CDK14: variants seen among roughly 807,000 people sequenced by gnomAD.
CDK14 encodes the protein cyclin dependent kinase 14, also known as cyclin-dependent kinase 14.
Under a neutral mutation model 60.7 loss-of-function variants are expected in CDK14, and 34 were observed. That is an observed-to-expected ratio of 0.56 (90% CI 0.43 to 0.75). The LOEUF is 0.75. Ranked by LOEUF, CDK14 falls within the 30% of genes least tolerant of loss-of-function variation. CDK14 has a pLI of 0.00. For missense variants in CDK14, 482 were observed against 564.1 expected (o/e 0.85, Z 1.47); for synonymous variants, 197 against 203.7 (o/e 0.97, Z 0.28).
At chr7:90,938,656 AG>A (rs1383860982) in intron 8 of CDK14, among the ~76,000 whole-genome samples, 1 of 152,220 alleles carries the variant, frequency 6.6e-6, no homozygotes, top group East Asian at 1.9e-4. Flanking sequence ...AACTATTTTT[AG>A]AAAAAGTGTT....
chr7:91,104,678 A>G (rs756861), intron 12 of CDK14, among the ~76,000 whole-genome samples: 263 of 152,326 alleles, frequency 1.7e-3, no homozygotes, highest in African/African-American at 6.0e-3. Context: ...AGAATGTTGT[A>G]TAAATGGAAT....
intron 4 of CDK14, among the ~76,000 whole-genome samples, chr7:90,788,912 A>G (rs1805711149): frequency 6.6e-6 from 1 of 152,170 alleles, no homozygotes. Flanking sequence ...CACTGAGAAC[A>G]TATAGTGTAG....
At chr7:90,672,523 T>G (rs1801118033) in intron 2 of CDK14, among the ~76,000 whole-genome samples, 3 of 136,440 alleles carry the variant, frequency 2.2e-5, no homozygotes, top group South Asian at 2.4e-4. Flanking sequence ...TTTTTTTTTT[T>G]TTTTTTTTTT....
chr7:91,080,302 CTT>C (rs1346508029), intron 12 of CDK14, among the ~76,000 whole-genome samples: 2 of 151,034 alleles, frequency 1.3e-5, no homozygotes, highest in East Asian at 3.8e-4. Flanking sequence ...TAACAAAAAA[CTT>C]TTTCATATTA....
At chr7:90,762,258 AATTTT>A (rs1025589717) in intron 4 of CDK14, among the ~76,000 whole-genome samples, 1 of 152,090 alleles carries the variant, frequency 6.6e-6, no homozygotes, top group African/African-American at 2.4e-5. Flanking sequence ...TGAAGGAGCT[AATTTT>A]ATTTTATTTT....
At chr7:90,699,722 A>G (rs1446346335) in intron 2 of CDK14, among the ~76,000 whole-genome samples, 1 of 152,176 alleles carries the variant, frequency 6.6e-6, no homozygotes, top group Non-Finnish European at 1.5e-5. Flanking sequence ...TCCATGCTGC[A>G]TTGTGATTCC....
intron 5 of CDK14, among the ~76,000 whole-genome samples, chr7:90,862,047 C>A: frequency 6.6e-6 from 1 of 151,464 alleles, no homozygotes; most frequent in African/African-American, 2.4e-5. Context: ...GAGAAATGGA[C>A]AAAAAATAAA....
chr7:91,179,603 A>C (rs1801925343), intron 14 of CDK14, among the ~76,000 whole-genome samples: 1 of 152,008 alleles, frequency 6.6e-6, no homozygotes, highest in African/African-American at 2.4e-5. Context: ...GAGATGGAGA[A>C]CATCCTGGCT....
intron 6 of CDK14, among the ~76,000 whole-genome samples, chr7:90,881,985 A>G (rs974347599): frequency 1.3e-5 from 2 of 152,172 alleles, no homozygotes; most frequent in Non-Finnish European, 2.9e-5. Context: ...GCAAAAATAC[A>G]CCAAAATATA....
intron 14 of CDK14, among the ~76,000 whole-genome samples, chr7:91,186,261 CCCTCT>C (rs1243872883): frequency 1.7e-4 from 4 of 23,430 alleles, no homozygotes; most frequent in African/African-American, 5.8e-4. Flanking sequence ...TCCTCCCCTC[CCCTCT>C]CCTCTCCTCC....
chr7:90,805,087 AT>A (rs1249749838), intron 5 of CDK14, among the ~76,000 whole-genome samples: 5 of 152,124 alleles, frequency 3.3e-5, no homozygotes, highest in Non-Finnish European at 5.9e-5. Context: ...TTACACTGGG[AT>A]TTTTAAATTG....
intron 10 of CDK14, among the ~76,000 whole-genome samples, chr7:91,040,385 G>A (rs986712823): frequency 4.6e-5 from 7 of 152,238 alleles, no homozygotes; most frequent in Admixed American, 3.3e-4. Flanking sequence ...CCACTTCACA[G>A]GTTTCTTTTA....
At chr7:91,054,237 G>A (rs1244286312) in intron 11 of CDK14, among the ~76,000 whole-genome samples, 2 of 151,876 alleles carry the variant, frequency 1.3e-5, no homozygotes, top group South Asian at 2.1e-4. Flanking sequence ...TTAGGTCTAG[G>A]TGTATGGGCT....
intron 2 of CDK14, among the ~76,000 whole-genome samples, chr7:90,676,774 G>T (rs919237049): frequency 2.0e-5 from 3 of 151,916 alleles, no homozygotes; most frequent in African/African-American, 7.3e-5. Context: ...GGGCTCAAGG[G>T]GTCTTCCTGC....
At chr7:90,813,167 T>G (rs753938578) in intron 5 of CDK14, among the ~76,000 whole-genome samples, 4 of 152,222 alleles carry the variant, frequency 2.6e-5, no homozygotes, top group Non-Finnish European at 4.4e-5. Context: ...GTATTTTGTT[T>G]GTTTGTTTCT....
chr7:90,756,509 C>G (rs948224302), intron 4 of CDK14, among the ~76,000 whole-genome samples: 1 of 152,188 alleles, frequency 6.6e-6, no homozygotes, highest in Non-Finnish European at 1.5e-5. Flanking sequence ...TGAGCAGTTT[C>G]AAGCCTCCTG....
intron 14 of CDK14, among the ~76,000 whole-genome samples, chr7:91,190,567 G>A (rs1802328798): frequency 6.6e-6 from 1 of 152,184 alleles, no homozygotes; most frequent in African/African-American, 2.4e-5. Context: ...TCAGCTCACT[G>A]CAATCTCTGT....
chr7:90,761,541 GA>G (rs1242339862), intron 4 of CDK14, among the ~76,000 whole-genome samples: 2 of 152,116 alleles, frequency 1.3e-5, no homozygotes, highest in Non-Finnish European at 2.9e-5. Flanking sequence ...GGATGGTAGG[GA>G]AGGAGCATTT....
chr7:90,724,100 T>G (rs1341579051), intron 2 of CDK14, among the ~76,000 whole-genome samples: 5 of 152,198 alleles, frequency 3.3e-5, no homozygotes, highest in Admixed American at 1.3e-4. Flanking sequence ...GACCACAAAT[T>G]CAATTCCTGT....
Sources: gnomAD v4.1 joint callset for allele counts (sites outside exome capture counted in the v4.1 genomes callset) on GRCh38, gnomAD v4.1.1 for gene constraint, MANE v1.5 for transcripts, NCBI Gene and HGNC (gene_info 2026-07-23, HGNC 2026-07-21) for gene names.